Variants in CELF2 observed in about 807,000 individuals in gnomAD.
The protein encoded by CELF2 is CUGBP Elav-like family member 2.
CELF2 carries 8 observed loss-of-function variants against 62.6 expected under a neutral mutation model. The observed-to-expected ratio is 0.13, with a 90% CI of 0.07 to 0.23. The LOEUF (loss-of-function observed/expected upper bound fraction) is 0.23, where lower values mean the gene tolerates loss of function less well. Among genes scored for constraint, CELF2 ranks in the 10% least tolerant of loss-of-function variants. The pLI, the probability that CELF2 is intolerant of heterozygous loss-of-function variation, is 1.00. For missense variants in CELF2, 333 were observed against 671.0 expected (o/e 0.50, Z 5.56); for synonymous variants, 258 against 250.0 (o/e 1.03, Z -0.30).
At chr10:11,087,255 A>G (rs538778952) in intron 1 of CELF2, among the ~76,000 whole-genome samples, 2 of 152,328 alleles carry the variant, frequency 1.3e-5, no homozygotes, top group East Asian at 1.9e-4. Flanking sequence ...TGAACAATGT[A>G]AAAAGATTGA....
At chr10:10,478,900 G>C in the CELF2 span, among the ~76,000 whole-genome samples, 2 of 152,152 alleles carry the variant, frequency 1.3e-5, no homozygotes, top group Admixed American at 1.3e-4. Flanking sequence ...ACAAAGAGTA[G>C]GTTAAATTAA....
At chr10:10,742,514 A>C in the CELF2 span, among the ~76,000 whole-genome samples, 75 of 151,492 alleles carry the variant, frequency 5.0e-4, no homozygotes, top group African/African-American at 1.7e-3. Flanking sequence ...TGGTGGTCCC[A>C]GCTGCTCAGG....
At chr10:10,919,907 T>C in intron 1 of CELF2, 3 of 1,119,604 alleles carry the variant, frequency 2.7e-6, no homozygotes, top group Non-Finnish European at 3.4e-6. Context: ...AAATACATTT[T>C]CATAATTCAC....
rs977619757 is a variant in CELF2, at chr10:11,244,386, G to C, written c.355-4767G>C. On this transcript the variant is annotated intron_variant, in intron 3 of 12. Coordinates refer to ENST00000633077, the MANE Select transcript of CELF2 (RefSeq NM_001326342.2). The surrounding 1 kb of genome is among the most constrained non-coding windows in gnomAD (Gnocchi z 4.2). Reference sequence around the variant, plus strand: ...CAACTTCCATTGGCCGGGCGTGGTGGCTCACGCCTATAATCCCAGCACTTT... The same window carrying C: ...CAACTTCCATTGGCCGGGCGTGGTGCCTCACGCCTATAATCCCAGCACTTT... Among the ~76,000 whole-genome samples the C allele has an allele frequency of 6.6e-6, 1 of 152,214 alleles. No individual in the cohort carries two copies. The highest frequency in any genetic ancestry group is 1.5e-5 in the Non-Finnish European group (1 of 68,038).
intron 3 of CELF2, among the ~76,000 whole-genome samples, chr10:11,239,249 G>A (rs551544484): frequency 6.6e-6 from 1 of 151,964 alleles, no homozygotes; most frequent in Admixed American, 6.6e-5. Context: ...GGTGTACGAC[G>A]TGATTTTAAT....
rs1465589000 is a variant in CELF2 at position 11,272,794 on chromosome 10, G to A, written c.777+1970G>A. On this transcript the variant is annotated intron_variant, in intron 7 of 12. Coordinates refer to ENST00000633077, the MANE Select transcript of CELF2 (RefSeq NM_001326342.2). ...TAGATTCTGACCCTGGCTCACCAGA[G>A]GTTGGTTATCCATGGCAATAATCCT... 2.0e-5 allele frequency among the ~76,000 whole-genome samples: 3 copies of A among 152,194 alleles called. No individual in the cohort carries two copies. The East Asian group carries it at 5.8e-4, about 29-fold the overall frequency.
chr10:11,020,725 A>G (rs916587755), intron 1 of CELF2, among the ~76,000 whole-genome samples: 1 of 152,150 alleles, frequency 6.6e-6, no homozygotes, highest in African/African-American at 2.4e-5. Flanking sequence ...GCAAGATGTA[A>G]TATGTTTGAG....
intron 1 of CELF2, among the ~76,000 whole-genome samples, chr10:11,083,174 G>A (rs749799124): frequency 1.3e-5 from 2 of 152,128 alleles, no homozygotes; most frequent in South Asian, 2.1e-4. Flanking sequence ...TCATACCACG[G>A]AATCTGTTGA....
At chr10:11,249,521 A>G (rs2076533585) in intron 4 of CELF2, among the ~76,000 whole-genome samples, 1 of 152,110 alleles carries the variant, frequency 6.6e-6, no homozygotes, top group Non-Finnish European at 1.5e-5. Flanking sequence ...AAAGCAATAC[A>G]GGGACATCTC....
At chr10:11,257,174 TGTCTAGA>T (rs2079025651) in intron 4 of CELF2, among the ~76,000 whole-genome samples, 1 of 152,062 alleles carries the variant, frequency 6.6e-6, no homozygotes, top group South Asian at 2.1e-4. Flanking sequence ...CTCTTATTCT[TGTCTAGA>T]TCAGCAGGGA....
intron 1 of CELF2, among the ~76,000 whole-genome samples, chr10:11,055,343 A>G (rs1387877260): frequency 6.6e-6 from 1 of 152,222 alleles, no homozygotes; most frequent in East Asian, 1.9e-4. Context: ...CAGTTTCCTC[A>G]TAATCTGCAT....
chr10:10,531,662 G>T, the CELF2 span, among the ~76,000 whole-genome samples: 1 of 152,152 alleles, frequency 6.6e-6, no homozygotes, highest in African/African-American at 2.4e-5. Context: ...ATCTGTGTGT[G>T]AATTCTGCGG....
chr10:11,302,437 G>A lies in CELF2; in HGVS notation c.977-11702G>A, dbSNP rs988563375. Among the ~76,000 whole-genome samples, 18 of 152,190 alleles carry A rather than the reference G, an allele frequency of 1.2e-4. No individual in the cohort carries two copies. The highest frequency in any genetic ancestry group is 3.6e-4 in the African/African-American group (15 of 41,446). ...AGCCCCAGGTGGTGCCGATGCGGGCGAGGCTGTAACTTTACAGTAACGATC... is the reference window on the plus strand; with the variant it reads ...AGCCCCAGGTGGTGCCGATGCGGGCAAGGCTGTAACTTTACAGTAACGATC... On this transcript the variant is annotated intron_variant, in intron 9 of 12. Coordinates refer to ENST00000633077, the MANE Select transcript of CELF2 (RefSeq NM_001326342.2). This position sits in a 1 kb window ranked among gnomAD's most constrained non-coding sequence, Gnocchi z 5.0.
chr10:11,231,157 T>C (rs1050471266), intron 3 of CELF2, among the ~76,000 whole-genome samples: 2 of 152,234 alleles, frequency 1.3e-5, no homozygotes, highest in African/African-American at 4.8e-5. Context: ...TTGAGTGAGT[T>C]CTGAGTTCTT....
intron 1 of CELF2, among the ~76,000 whole-genome samples, chr10:11,121,706 T>G (rs1276053194): frequency 6.6e-6 from 1 of 152,140 alleles, no homozygotes; most frequent in Non-Finnish European, 1.5e-5. Flanking sequence ...TTTTTTTTGT[T>G]TTTTTTACTG....
chr10:10,745,798 C>CAT, the CELF2 span, among the ~76,000 whole-genome samples: 1 of 152,218 alleles, frequency 6.6e-6, no homozygotes, highest in African/African-American at 2.4e-5. Context: ...CTGGGTAAGT[C>CAT]ATATCACCGT....
chr10:11,263,982 A>C (rs2081460294), intron 5 of CELF2, among the ~76,000 whole-genome samples: 1 of 152,188 alleles, frequency 6.6e-6, no homozygotes, highest in African/African-American at 2.4e-5. Context: ...TTTTTTTCTC[A>C]AGTAATTGAA....
chr10:10,648,888 T>C, the CELF2 span, among the ~76,000 whole-genome samples: 1 of 152,150 alleles, frequency 6.6e-6, no homozygotes, highest in South Asian at 2.1e-4. Context: ...ATAAGTGAAA[T>C]GATGAGGAGG....
chr10:10,552,652 C>T, the CELF2 span, among the ~76,000 whole-genome samples: 2 of 152,140 alleles, frequency 1.3e-5, no homozygotes, highest in African/African-American at 2.4e-5. Context: ...GTCTGCATCA[C>T]GGCTAGAGAG....
Sources: allele counts gnomAD v4.1 joint callset (sites outside exome capture counted in the v4.1 genomes callset), GRCh38; gene constraint gnomAD v4.1.1; non-coding constraint Gnocchi (gnomAD v3.1); transcripts MANE v1.5; gene names NCBI Gene and HGNC (gene_info 2026-07-23, HGNC 2026-07-21).